Variants in DMD observed in about 807,000 individuals in gnomAD.
DMD encodes the protein mutant dystrophin.
DMD carries 63 observed loss-of-function variants against 330.1 expected under a neutral mutation model. That is an observed-to-expected ratio of 0.19 (90% confidence interval 0.16 to 0.24). The LOEUF is 0.24. Among genes scored for constraint, DMD ranks in the 10% least tolerant of loss-of-function variants. The pLI is 1.00. For synonymous variants in DMD, 1,223 were observed against 959.8 expected, an observed-to-expected ratio of 1.27 and a Z score of -5.07; for missense variants, 3,344 against 2,684.1, an observed-to-expected ratio of 1.25 and a Z score of -5.43.
At chrX:32,649,425 C>A (rs1055814968) in intron 9 of DMD, among the ~76,000 whole-genome samples, 1 of 108,389 alleles carries the variant, frequency 9.2e-6, no homozygotes, top group African/African-American at 3.4e-5. Flanking sequence ...GCGGTGGCGG[C>A]GCCTGTAGTC....
intron 9 of DMD, among the ~76,000 whole-genome samples, chrX:32,682,618 G>A (rs985242914): frequency 9.0e-6 from 1 of 111,723 alleles, no homozygotes; most frequent in Non-Finnish European, 1.9e-5. Flanking sequence ...AACAAATTTT[G>A]AGAGCATGGC....
intron 33 of DMD, among the ~76,000 whole-genome samples, chrX:32,383,404 A>G (rs1472905561): frequency 5.4e-5 from 6 of 111,634 alleles, no homozygotes; most frequent in Admixed American, 1.9e-4. Flanking sequence ...ACATAAAAAG[A>G]ATAATGTAAT....
At chrX:32,137,625 T>TC (rs1353194029) in intron 44 of DMD, among the ~76,000 whole-genome samples, 1 of 111,324 alleles carries the variant, frequency 9.0e-6, no homozygotes, top group African/African-American at 3.3e-5. Flanking sequence ...GTTTTTTTTT[T>TC]CAACTTTAAT....
chrX:32,134,113 C>T (rs1424893063), intron 44 of DMD, among the ~76,000 whole-genome samples: 1 of 111,715 alleles, frequency 9.0e-6, no homozygotes, highest in Admixed American at 9.5e-5. Context: ...TGAGCCATCT[C>T]TTATTTTACC....
rs766178320 is a variant in DMD, at chrX:32,921,855, T to TCATC, written c.94-72039_94-72036dup. On this transcript the variant is annotated intron_variant, in intron 2 of 78. Transcript: ENST00000357033. ...TTTATCCATGCACCCATCCATCCAT[T>TCATC]CATCCATCCATCCGTTTATCTCTTC... Among the ~76,000 whole-genome samples the TCATC allele has an allele frequency of 4.5e-5, 5 of 111,591 alleles. No individual in the cohort carries two copies. In the East Asian group the frequency reaches 1.4e-3, roughly 31 times the overall value.
intron 70 of DMD, 194 bp from the exon 71 acceptor site, chrX:31,178,164 A>G (rs2040743888): frequency 1.3e-6 from 1 of 751,616 alleles, no homozygotes; most frequent in Non-Finnish European, 1.6e-6. Context: ...TAAGGCAAAA[A>G]AGAGGAGCAG....
At chrX:32,447,624 G>C (rs999300342) in intron 27 of DMD, among the ~76,000 whole-genome samples, 5 of 111,462 alleles carry the variant, frequency 4.5e-5, no homozygotes, top group Non-Finnish European at 9.5e-5. Flanking sequence ...TTTTTCAAAA[G>C]TAAAGAGGTA....
At chrX:31,896,505 G>A (rs935321335) in intron 47 of DMD, among the ~76,000 whole-genome samples, 5 of 111,359 alleles carry the variant, frequency 4.5e-5, no homozygotes, top group East Asian at 2.8e-4. Flanking sequence ...TTTTAAAAAC[G>A]TATAATTTGT....
chrX:33,000,100 A>G (rs1229273730), intron 2 of DMD, among the ~76,000 whole-genome samples: 1 of 112,274 alleles, frequency 8.9e-6, no homozygotes, highest in Non-Finnish European at 1.9e-5. Context: ...AGATTGGTAA[A>G]TGTATATTTT....
intron 37 of DMD, among the ~76,000 whole-genome samples, chrX:32,350,521 CAAGT>C (rs1351941648): frequency 1.8e-5 from 2 of 111,376 alleles, no homozygotes; most frequent in East Asian, 5.6e-4. Flanking sequence ...TAATAAATAT[CAAGT>C]AAGTGTCAAT....
intron 51 of DMD, among the ~76,000 whole-genome samples, chrX:31,747,917 G>A (rs1345371202): frequency 8.9e-6 from 1 of 112,189 alleles, no homozygotes; most frequent in Non-Finnish European, 1.9e-5. Flanking sequence ...CAGAAAGGCT[G>A]CAGTACCATT....
intron 55 of DMD, among the ~76,000 whole-genome samples, chrX:31,566,992 A>C: frequency 9.0e-6 from 1 of 111,546 alleles, no homozygotes. Context: ...GCCCATCATA[A>C]GATGAGGAGC....
chrX:31,443,143 A>C (rs188656499), intron 60 of DMD, among the ~76,000 whole-genome samples: 271 of 111,840 alleles, frequency 2.4e-3, no homozygotes, highest in African/African-American at 8.3e-3. Flanking sequence ...CCTGTTGGAA[A>C]GGAGAAAATT....
chrX:33,224,499 T>G (rs2052247952), intron 1 of DMD, among the ~76,000 whole-genome samples: 1 of 111,827 alleles, frequency 8.9e-6, no homozygotes, highest in Non-Finnish European at 1.9e-5. Context: ...GGATTCCAAC[T>G]ATATGACATC....
At chrX:31,515,645 A>G (rs2072115162) in intron 55 of DMD, among the ~76,000 whole-genome samples, 1 of 112,245 alleles carries the variant, frequency 8.9e-6, no homozygotes, top group African/African-American at 3.2e-5. Flanking sequence ...AGTAGGAAGA[A>G]GTGACACCTT....
chrX:32,407,113 A>G (rs189774779), intron 30 of DMD, among the ~76,000 whole-genome samples: 28 of 111,869 alleles, frequency 2.5e-4, no homozygotes, highest in African/African-American at 9.1e-4. Context: ...ACAAAAGCCA[A>G]AATTGACAAA....
At chrX:32,672,975 T>A (rs1385655651) in intron 9 of DMD, among the ~76,000 whole-genome samples, 1 of 111,331 alleles carries the variant, frequency 9.0e-6, no homozygotes, top group East Asian at 2.8e-4. Context: ...TTACAAGAAA[T>A]CTTTAATGGA....
intron 7 of DMD, among the ~76,000 whole-genome samples, chrX:32,737,479 A>G (rs1477327371): frequency 9.0e-6 from 1 of 111,282 alleles, no homozygotes; most frequent in Admixed American, 9.6e-5. Flanking sequence ...ATCTTATTCC[A>G]TTAAAAAAAA....
intron 9 of DMD, among the ~76,000 whole-genome samples, chrX:32,652,279 C>T (rs2060213112): frequency 1.5e-5 from 1 of 67,974 alleles, no homozygotes; most frequent in African/African-American, 5.9e-5. Flanking sequence ...AATACTATCC[C>T]TCCCCCCTCC....
Sources: gnomAD v4.1 joint callset for allele counts (sites outside exome capture counted in the v4.1 genomes callset) on GRCh38, gnomAD v4.1.1 for gene constraint, MANE v1.5 for transcripts, NCBI Gene and HGNC (gene_info 2026-07-23, HGNC 2026-07-21) for gene names.